RASA3: variants seen among roughly 807,000 people sequenced by gnomAD.
RASA3 encodes the protein ras GTPase-activating protein 3.
A neutral mutation model predicts 110.0 loss-of-function variants in RASA3; 73 were observed. The observed-to-expected ratio is 0.66, with a 90% confidence interval of 0.55 to 0.81. The LOEUF (loss-of-function observed/expected upper bound fraction) is 0.81. Ranked by LOEUF, RASA3 falls within the 30% of genes least tolerant of loss-of-function variation. The pLI, the probability that RASA3 is intolerant of heterozygous loss-of-function variation, is 0.00. For synonymous variants in RASA3, 500 were observed against 451.4 expected, an observed-to-expected ratio of 1.11 and a Z score of -1.37; for missense variants, 976 against 1,113.2, an observed-to-expected ratio of 0.88 and a Z score of 1.75.
chr13:114,016,140 C>G, intron 13 of RASA3, 57 bp downstream of exon 13: 1 of 1,453,262 alleles, frequency 6.9e-7, no homozygotes, highest in South Asian at 1.1e-5. Flanking sequence ...AGGCAGCCAT[C>G]GGCTGAAAAA....
intron 2 of RASA3, among the ~76,000 whole-genome samples, chr13:114,072,448 C>T (rs1170749141): frequency 1.3e-5 from 2 of 152,172 alleles, no homozygotes; most frequent in East Asian, 1.9e-4. Flanking sequence ...CTTTCTAGGC[C>T]TCTTACCTCA....
intron 9 of RASA3, among the ~76,000 whole-genome samples, chr13:114,020,496 G>A (rs570084140): frequency 5.9e-5 from 9 of 152,292 alleles, no homozygotes; most frequent in African/African-American, 1.9e-4. Flanking sequence ...CGTGTTTCAC[G>A]GTTTCTGGGA....
intron 14 of RASA3, among the ~76,000 whole-genome samples, chr13:114,013,875 CCT>C (rs2053716237): frequency 1.7e-5 from 1 of 60,060 alleles, no homozygotes; most frequent in Non-Finnish European, 3.0e-5. Context: ...TGTCTCTCTC[CCT>C]ATCTCTGTCT....
intron 1 of RASA3, among the ~76,000 whole-genome samples, chr13:114,081,827 G>A (rs1399595446): frequency 6.6e-6 from 1 of 152,178 alleles, no homozygotes; most frequent in Non-Finnish European, 1.5e-5. Context: ...AGACACACCG[G>A]TGCTGCACAG....
At chr13:114,024,873 C>A (rs549279754) in intron 7 of RASA3, among the ~76,000 whole-genome samples, 161 of 152,152 alleles carry the variant, frequency 1.1e-3, no homozygotes, top group African/African-American at 3.7e-3. Flanking sequence ...AAAGTCAAGA[C>A]GCTGCTACCT....
At chr13:113,999,072 G>A (rs910892745) in intron 20 of RASA3, among the ~76,000 whole-genome samples, 10 of 35,852 alleles carry the variant, frequency 2.8e-4, no homozygotes, top group Admixed American at 8.0e-4. Flanking sequence ...ATGTGGGTCC[G>A]GGTCAAGCGT....
chr13:114,121,206 G>A (rs1022864714), intron 1 of RASA3, among the ~76,000 whole-genome samples: 3 of 152,212 alleles, frequency 2.0e-5, no homozygotes, highest in Non-Finnish European at 4.4e-5. Context: ...CACTGCGGCC[G>A]GGGGCAGGAG....
chr13:114,050,653 G>A (rs1420414764), intron 3 of RASA3, among the ~76,000 whole-genome samples: 1 of 152,248 alleles, frequency 6.6e-6, no homozygotes, highest in Non-Finnish European at 1.5e-5. Context: ...GGTCAGGATA[G>A]GCATCTCATC....
intron 1 of RASA3, among the ~76,000 whole-genome samples, chr13:114,117,494 G>A (rs1288495198): frequency 7.1e-6 from 1 of 140,514 alleles, no homozygotes; most frequent in Non-Finnish European, 1.5e-5. Context: ...GCACGTGCGT[G>A]AGGGGTGCAC....
intron 14 of RASA3, 106 bp downstream of exon 14, chr13:114,015,103 C>A: frequency 6.9e-7 from 1 of 1,459,750 alleles, no homozygotes. Flanking sequence ...CACGACCCCG[C>A]AGTTCTAGTC....
At chr13:114,104,837 C>T (rs922639996) in intron 1 of RASA3, among the ~76,000 whole-genome samples, 7 of 151,592 alleles carry the variant, frequency 4.6e-5, no homozygotes, top group African/African-American at 1.5e-4. Flanking sequence ...ACATGCTCAC[C>T]CCTCCCTCCC....
At chr13:114,103,481 A>C (rs1191257680) in intron 1 of RASA3, among the ~76,000 whole-genome samples, 1 of 150,826 alleles carries the variant, frequency 6.6e-6, no homozygotes, top group Admixed American at 6.6e-5. Flanking sequence ...GCCGAGGAGC[A>C]CCTGACACCG....
At chr13:114,051,984 G>T in intron 3 of RASA3, 68 bp downstream of exon 3, 1 of 1,301,884 alleles carries the variant, frequency 7.7e-7, no homozygotes. Context: ...GCTCTGGACT[G>T]AAATGCTAAT....
intron 1 of RASA3, among the ~76,000 whole-genome samples, chr13:114,075,379 CTT>C (rs1351533777): frequency 2.0e-5 from 3 of 152,250 alleles, no homozygotes; most frequent in Non-Finnish European, 2.9e-5. Flanking sequence ...TTTTTAAAGA[CTT>C]TTCATCCACA....
At chr13:114,053,154 C>T (rs1381040276) in intron 2 of RASA3, among the ~76,000 whole-genome samples, 3 of 151,284 alleles carry the variant, frequency 2.0e-5, no homozygotes, top group Non-Finnish European at 3.0e-5. Context: ...GAGGCCCCTG[C>T]TGCTGACTGC....
At chr13:114,087,826 A>C (rs2079841579) in intron 1 of RASA3, among the ~76,000 whole-genome samples, 1 of 152,246 alleles carries the variant, frequency 6.6e-6, no homozygotes, top group South Asian at 2.1e-4. Flanking sequence ...ATTTCCTTCC[A>C]AAAACCTTAA....
At position 114,065,215 on chromosome 13, in the gene RASA3, T is replaced by C. The variant is rs1225794280; in HGVS notation, c.173+8505A>G. Among the ~76,000 whole-genome samples, 1 of 152,190 alleles carries C rather than the reference T, an allele frequency of 6.6e-6. No individual in the cohort carries two copies. On this transcript the variant is annotated intron_variant, in intron 2 of 23. Transcript: ENST00000334062. The surrounding 1 kb of genome is among the most constrained non-coding windows in gnomAD (Gnocchi z 4.1). ...CCCGCCTTCTCCTCCCTGAGTCACT[T>C]CCCAGCATCTGCGCAAGGCTGGCGC...
At chr13:114,017,519 C>T (rs1671638388) in intron 11 of RASA3, among the ~76,000 whole-genome samples, 168 bp from the exon 12 acceptor site, 1 of 152,240 alleles carries the variant, frequency 6.6e-6, no homozygotes, top group Non-Finnish European at 1.5e-5. Context: ...TGCTTGGAGG[C>T]CCTGGCCATG....
chr13:114,055,702 G>A (rs1372862860), intron 2 of RASA3, among the ~76,000 whole-genome samples: 1 of 152,216 alleles, frequency 6.6e-6, no homozygotes, highest in African/African-American at 2.4e-5. Flanking sequence ...GTGTTTGAAT[G>A]TGTGAAAGCA....
Sources: allele counts gnomAD v4.1 joint callset (sites outside exome capture counted in the v4.1 genomes callset), GRCh38; gene constraint gnomAD v4.1.1; non-coding constraint Gnocchi (gnomAD v3.1); transcripts MANE v1.5; gene names NCBI Gene and HGNC (gene_info 2026-07-23, HGNC 2026-07-21).